SLC8A1: variants seen among roughly 807,000 people sequenced by gnomAD.
SLC8A1 encodes solute carrier family 8 member A1, also known as sodium/calcium exchanger 1.
Under a neutral mutation model 68.3 loss-of-function variants are expected in SLC8A1, and 18 were observed. The observed-to-expected ratio is 0.26, with a 90% CI of 0.18 to 0.39. The LOEUF (loss-of-function observed/expected upper bound fraction) is 0.39, where lower values mean the gene tolerates loss of function less well. SLC8A1 is among the 10% of genes least tolerant of loss of function. The pLI, the probability that SLC8A1 is intolerant of heterozygous loss-of-function variation, is 1.00. For missense variants in SLC8A1, 985 were observed against 1,156.7 expected (o/e 0.85, Z 2.15); for synonymous variants, 475 against 415.5 (o/e 1.14, Z -1.74).
chr2:40,379,076 C>G lies in SLC8A1; in HGVS notation c.1808+49397G>C, dbSNP rs142835643. Among the ~76,000 whole-genome samples, 1,059 of 152,236 alleles carry G rather than the reference C, an allele frequency of 7.0e-3. 6 individuals carry two copies. Among genetic ancestry groups the G allele is most frequent in the African/African-American group, 0.024 (977 of 41,560 alleles). Reference sequence around the variant, plus strand: ...TTACCGCCAGTTTCCAGAATAGCATCTGGCTCATAATAGATGCCATTTTAA... The same window carrying G: ...TTACCGCCAGTTTCCAGAATAGCATGTGGCTCATAATAGATGCCATTTTAA... On this transcript the variant is annotated intron_variant, in intron 2 of 7. Transcript: ENST00000406785.
At chr2:40,399,708 A>G (rs909119076) in intron 2 of SLC8A1, among the ~76,000 whole-genome samples, 10 of 151,428 alleles carry the variant, frequency 6.6e-5, no homozygotes, top group Non-Finnish European at 1.3e-4. Flanking sequence ...CATTTGGGGG[A>G]AAAAAAGTCA....
chr2:40,125,934 C>G (rs1228424825), intron 7 of SLC8A1, among the ~76,000 whole-genome samples: 2 of 152,110 alleles, frequency 1.3e-5, no homozygotes, highest in East Asian at 1.9e-4. Flanking sequence ...TTGTAATTTT[C>G]AGAGCACGTC....
chr2:40,489,543 T>C (rs114640609), intron 1 of SLC8A1, among the ~76,000 whole-genome samples: 160 of 152,246 alleles, frequency 1.1e-3, no homozygotes, highest in Middle Eastern at 3.4e-3. Flanking sequence ...ACCAACGCAG[T>C]TCTTCCCAGC....
intron 2 of SLC8A1, among the ~76,000 whole-genome samples, chr2:40,291,463 T>A (rs1307378512): frequency 6.6e-6 from 1 of 151,844 alleles, no homozygotes; most frequent in East Asian, 1.9e-4. Flanking sequence ...AAGCTGGGAG[T>A]TCCTTGAAAA....
chr2:40,142,447 C>T (rs6742885), intron 6 of SLC8A1, among the ~76,000 whole-genome samples: 83,288 of 151,932 alleles, frequency 0.55, 23,393 homozygotes, highest in East Asian at 0.8. Context: ...TTTTTAATTT[C>T]TATATTTGTG....
At chr2:40,216,543 G>C (rs2057516593) in intron 2 of SLC8A1, among the ~76,000 whole-genome samples, 1 of 152,108 alleles carries the variant, frequency 6.6e-6, no homozygotes, top group South Asian at 2.1e-4. Context: ...TGATCAAATG[G>C]TATTTCTGAT....
chr2:40,193,177 C>T (rs1321076794), intron 2 of SLC8A1, among the ~76,000 whole-genome samples: 1 of 152,040 alleles, frequency 6.6e-6, no homozygotes, highest in Non-Finnish European at 1.5e-5. Context: ...GTTGATCTCA[C>T]CATGACAGTA....
At chr2:40,225,880 C>T (rs2058915032) in intron 2 of SLC8A1, among the ~76,000 whole-genome samples, 1 of 152,140 alleles carries the variant, frequency 6.6e-6, no homozygotes, top group Non-Finnish European at 1.5e-5. Context: ...ATGTTTATCA[C>T]TTGAATGGCA....
intron 1 of SLC8A1, among the ~76,000 whole-genome samples, chr2:40,476,201 A>C (rs1704291080): frequency 6.6e-6 from 1 of 152,144 alleles, no homozygotes. Context: ...AATTTGCAAC[A>C]ACCAATTTTC....
intron 2 of SLC8A1, among the ~76,000 whole-genome samples, chr2:40,376,690 C>T (rs892895627): frequency 2.6e-5 from 4 of 151,984 alleles, no homozygotes; most frequent in Admixed American, 6.6e-5. Context: ...AGTGGAGGCC[C>T]CAGTGAAATG....
At chr2:40,169,161 G>C (rs2047042003) in intron 4 of SLC8A1, among the ~76,000 whole-genome samples, 1 of 152,224 alleles carries the variant, frequency 6.6e-6, no homozygotes, top group Non-Finnish European at 1.5e-5. Context: ...AGTGCTGAGA[G>C]TGGGAAAACA....
At chr2:40,130,202 G>A (rs1409110390) in intron 7 of SLC8A1, among the ~76,000 whole-genome samples, 5 of 152,222 alleles carry the variant, frequency 3.3e-5, no homozygotes, top group African/African-American at 9.6e-5. Flanking sequence ...GGTTTTTACA[G>A]AATCTTTGGG....
At chr2:40,336,378 G>A (rs897440348) in intron 2 of SLC8A1, among the ~76,000 whole-genome samples, 2 of 152,062 alleles carry the variant, frequency 1.3e-5, no homozygotes, top group African/African-American at 2.4e-5. Context: ...GGCCTTGCAG[G>A]GGCCTCTCTT....
intron 2 of SLC8A1, among the ~76,000 whole-genome samples, chr2:40,401,567 C>CAAA (rs3060361): frequency 7.0e-4 from 66 of 94,034 alleles, no homozygotes; most frequent in Middle Eastern, 0.011. Flanking sequence ...ATAGGCCAGT[C>CAAA]AAAAAAAAAA....
chr2:40,107,947 G>A (rs190815609), exon 8 of SLC8A1: 135 of 152,254 alleles, frequency 8.9e-4, no homozygotes, highest in African/African-American at 3.0e-3. Flanking sequence ...TGAAAACAAC[G>A]CTAGTATTTA....
intron 2 of SLC8A1, among the ~76,000 whole-genome samples, chr2:40,426,021 G>T (rs890968319): frequency 2.6e-5 from 4 of 151,808 alleles, no homozygotes; most frequent in Non-Finnish European, 5.9e-5. Flanking sequence ...TTTGAATCTT[G>T]GTGCTTAATT....
At chr2:40,178,476 T>A in intron 2 of SLC8A1, 2 of 1,612,804 alleles carry the variant, frequency 1.2e-6, no homozygotes, top group South Asian at 1.1e-5. Context: ...ATCAATTACC[T>A]TGACTGATAT....
At chr2:40,220,970 C>T (rs2058245578) in intron 2 of SLC8A1, among the ~76,000 whole-genome samples, 1 of 152,074 alleles carries the variant, frequency 6.6e-6, no homozygotes, top group African/African-American at 2.4e-5. Context: ...GGTACCATCA[C>T]TTCTGAAACT....
intron 2 of SLC8A1, among the ~76,000 whole-genome samples, chr2:40,418,240 C>G (rs146144446): frequency 9.7e-4 from 148 of 152,178 alleles, no homozygotes; most frequent in African/African-American, 3.5e-3. Flanking sequence ...ATGTTTACTT[C>G]TACACTTATA....
Sources: allele counts gnomAD v4.1 joint callset (sites outside exome capture counted in the v4.1 genomes callset), GRCh38; gene constraint gnomAD v4.1.1; transcripts MANE v1.5; gene names NCBI Gene and HGNC (gene_info 2026-07-23, HGNC 2026-07-21).